The following ADGRB2 variants were observed in gnomAD, a reference collection of about 807,000 sequenced individuals.
ADGRB2 encodes adhesion G protein-coupled receptor B2, also known as brain-specific angiogenesis inhibitor 2.
In ADGRB2, 47 loss-of-function variants were observed where a neutral mutation model predicts 178.7. The ratio of observed to expected loss-of-function variants is 0.26; its 90% confidence interval spans 0.21 to 0.34. The LOEUF (loss-of-function observed/expected upper bound fraction) is 0.34. ADGRB2 is among the 10% of genes least tolerant of loss of function. The pLI, the probability that ADGRB2 is intolerant of heterozygous loss-of-function variation, is 1.00. For synonymous variants in ADGRB2, 870 were observed against 912.4 expected (o/e 0.95, Z 0.84); for missense variants, 1,584 against 2,180.8 (o/e 0.73, Z 5.45).
Position 31,742,055 on chromosome 1 carries a change from G to A in ADGRB2, c.1415C>T (p.Pro472Leu), listed in dbSNP as rs778697031. 31 of 1,606,630 alleles carry A rather than the reference G, an allele frequency of 1.9e-5. No individual in the cohort carries two copies. The highest frequency in any genetic ancestry group is 2.3e-5 in the Non-Finnish European group (27 of 1,175,872). Residue 472 changes from proline to leucine, a missense_variant and splice_region_variant, in exon 8 of 33, where the codon CCG (proline) becomes CTG (leucine). Physicochemically the swap from Pro to Leu is moderately conservative, Grantham distance 98. This residue lies in a region of ADGRB2 where 657 missense variants were observed against 847.6 expected (regional missense o/e 0.78). Transcript: ENST00000373658. ...DTRECSNLEC[P>L]ATDSKWGPWN... is the part of the protein sequence containing the mutation. ...CCACCACTGTGCCAAGCACTCACCC[G>A]GGCACTCGAGGTTGCTGCACTCCCG...
Position 31,738,784 on chromosome 1 carries a change from CACCCAGG to C in ADGRB2, c.2601+41_2601+47del, listed in dbSNP as rs1645771490. On this transcript the variant is annotated intron_variant, in intron 16 of 32. Coordinates refer to ENST00000373658, the MANE Select transcript of ADGRB2 (RefSeq NM_001364857.2). ...GCTTCCCACCAGCCAGGCCTCTGGC[CACCCAGG>C]TTGAGGTGCACCCAAGGTCTCTGCA... The C allele has an allele frequency of 5.0e-6, 8 of 1,606,624 alleles. No individual in the cohort carries two copies. In the Admixed American group the frequency reaches 1.3e-4, roughly 27 times the overall value.
rs568730968 is a variant in ADGRB2 at position 31,755,713 on chromosome 1, T to C, written c.838+286A>G. Among the ~76,000 whole-genome samples the C allele has an allele frequency of 2.8e-4, 43 of 151,942 alleles. No individual in the cohort carries two copies. Among genetic ancestry groups the C allele is most frequent in the Admixed American group, 2.6e-3 (39 of 15,264 alleles). The stretch of plus-strand genomic sequence containing the variant: ...GGTCTCTGTTCCTGTATTACTTCCT[T>C]CAGGGAGCCTCCCCTGGCTGCCCAG... On this transcript the variant is annotated intron_variant, in intron 4 of 32. Transcript: ENST00000373658. This position sits in a 1 kb window ranked among gnomAD's most constrained non-coding sequence, Gnocchi z 5.1.
Position 31,730,888 on chromosome 1 carries a change from C to A in ADGRB2, c.4292G>T (p.Ser1431Ile). 6.3e-7 allele frequency: 1 copy of A among 1,575,620 alleles called. No homozygotes were observed. The highest frequency in any genetic ancestry group is 8.6e-7 in the Non-Finnish European group (1 of 1,160,778). Residue 1431 changes from serine (S) to isoleucine (I), a missense_variant, in exon 29 of 33, where the codon AGC (serine) becomes ATC (isoleucine). Around this residue, in one of 3 missense-constraint regions of ADGRB2, gnomAD observed 865 missense variants for 1,192.8 expected, o/e 0.73. Coordinates refer to ENST00000373658, the MANE Select transcript of ADGRB2 (RefSeq NM_001364857.2). The part of the protein sequence containing the change: ...MTFQPPPPTP[S>I]ARQVPEPGER... ...CCCTGGCTCGGGCACTTGGCGGGCG[C>A]TGGGTGTCGGCGGTGGCGGTTGGAA...
intron 14 of ADGRB2, 94 bp from the exon 15 acceptor site, chr1:31,739,729 C>A (rs1645830871): frequency 7.1e-7 from 1 of 1,407,130 alleles, no homozygotes; most frequent in South Asian, 1.4e-5. Flanking sequence ...GAAACACGTA[C>A]CAGGAAAGGT....
At chr1:31,742,308 T>C (rs1646019613) in intron 7 of ADGRB2, 91 bp from the exon 8 acceptor site, 1 of 1,494,824 alleles carries the variant, frequency 6.7e-7, no homozygotes, top group Admixed American at 2.2e-5. Flanking sequence ...CAGAGCCTGC[T>C]AGGCATTCAG....
Position 31,740,231 on chromosome 1 carries a change from C to T in ADGRB2, c.1990-53G>A. The T allele has an allele frequency of 8.7e-6, 14 of 1,611,184 alleles. No individual in the cohort carries two copies. Among genetic ancestry groups the T allele is most frequent in the Non-Finnish European group, 1.1e-5 (13 of 1,178,256 alleles). On this transcript the variant is annotated intron_variant, in intron 12 of 32. Coordinates refer to ENST00000373658, the MANE Select transcript of ADGRB2 (RefSeq NM_001364857.2). The surrounding 1 kb of genome is among the most constrained non-coding windows in gnomAD (Gnocchi z 5.9). The stretch of plus-strand genomic sequence containing the variant: ...GGTCCTAGCCCCAGGGAACAGGGGG[C>T]TTCCCCCACTATAGCCACACTTGCC...
intron 25 of ADGRB2, among the ~76,000 whole-genome samples, chr1:31,734,959 G>A (rs906930829): frequency 1.3e-5 from 2 of 152,172 alleles, no homozygotes; most frequent in Non-Finnish European, 2.9e-5. Flanking sequence ...GGGATCCAAG[G>A]GTGGGCGAAG....
intron 16 of ADGRB2, 74 bp from the exon 17 acceptor site, chr1:31,738,704 G>A (rs1442521917): frequency 3.8e-6 from 6 of 1,593,096 alleles, no homozygotes; most frequent in East Asian, 2.2e-5. Context: ...ATGCCATGGG[G>A]GCCACAGCAG....
Position 31,757,254 on chromosome 1 carries a change from CAG to C in ADGRB2, c.-35_-34del. ...GCTCTCCATCCCCGTGTGTCGTGAT[CAG>C]CTGTGAGGCATGTCACCGCGTAATC... On this transcript the variant is annotated 5_prime_UTR_variant, in exon 3 of 33. It removes the in-frame stop codon of an upstream open reading frame in the 5' UTR. Transcript: ENST00000373658. 1 of 1,613,944 alleles carries C rather than the reference CAG, an allele frequency of 6.2e-7. No individual in the cohort carries two copies. Among genetic ancestry groups the C allele is most frequent in the Non-Finnish European group, 8.5e-7 (1 of 1,179,802 alleles).
At position 31,742,124 on chromosome 1, in the gene ADGRB2, G is replaced by T; in HGVS notation, c.1346C>A (p.Ala449Glu). ...CGTGCATGTGGCCCAGGCTGGGCCC[G>T]CCACGCTGCACTTCCGGCTGCGCTG... is the stretch of plus-strand genomic sequence containing the variant. Reference protein sequence around the residue: ...TQQRSRKCSVAGPAWATCTGA... With the variant: ...TQQRSRKCSVEGPAWATCTGA... Residue 449 changes from alanine to glutamate, a missense_variant, in exon 8 of 33, where the codon GCG becomes GAG. Ala to Glu is a moderately radical substitution (Grantham distance 107). Coordinates refer to ENST00000373658, the MANE Select transcript of ADGRB2 (RefSeq NM_001364857.2). 6.2e-7 allele frequency: 1 copy of T among 1,613,414 alleles called. No homozygotes were observed. The highest frequency in any genetic ancestry group is 8.5e-7 in the Non-Finnish European group (1 of 1,179,890).
rs952184105 is a variant in ADGRB2, at chr1:31,759,782, G to A, written c.-190-2271C>T. Among the ~76,000 whole-genome samples the A allele has an allele frequency of 2.0e-4, 31 of 152,160 alleles. No individual in the cohort carries two copies. The highest frequency in any genetic ancestry group is 7.2e-4 in the African/African-American group (30 of 41,498). On this transcript the variant is annotated intron_variant, in intron 1 of 32. Transcript: ENST00000373658. The surrounding 1 kb of genome is among the most constrained non-coding windows in gnomAD (Gnocchi z 4.3). Reference sequence around the variant, plus strand: ...GTGTATAGCCAGGCCTGTCCTCCTGGGGGCACTGATGACCCAGAGGCCTCT... The same window carrying A: ...GTGTATAGCCAGGCCTGTCCTCCTGAGGGCACTGATGACCCAGAGGCCTCT...
Position 31,746,087 on chromosome 1 carries a change from G to A in ADGRB2, c.839-1356C>T, listed in dbSNP as rs544784440. Among the ~76,000 whole-genome samples, 3 of 152,274 alleles carry A rather than the reference G, an allele frequency of 2.0e-5. No individual in the cohort carries two copies. The South Asian group carries it at 6.2e-4, about 32-fold the overall frequency. On this transcript the variant is annotated intron_variant, in intron 4 of 32. Coordinates refer to ENST00000373658, the MANE Select transcript of ADGRB2 (RefSeq NM_001364857.2). ...CCAAATGGGGTGTGGACATTGACCA[G>A]CTGTGTGGCCTCGGGCATGTCTCTT...
chr1:31,747,839 G>A (rs894351199), intron 4 of ADGRB2, among the ~76,000 whole-genome samples: 1 of 152,200 alleles, frequency 6.6e-6, no homozygotes, highest in Non-Finnish European at 1.5e-5. Context: ...TATCAGCTCC[G>A]TCCCACAGCA....
At position 31,731,027 on chromosome 1, in the gene ADGRB2, C is replaced by T; in HGVS notation, c.4153G>A (p.Ala1385Thr). The part of the protein sequence containing the change: ...RARPEGTPRR[A>T]AKTVAHTEGY... ...TCAGTGTGGGCCACTGTCTTGGCAG[C>T]TCGCCGGGGGGTCCCCTCCGGCCGG... Residue 1385 changes from alanine to threonine, a missense_variant, in exon 29 of 33, where the codon GCT becomes ACT. Transcript: ENST00000373658. 1 of 1,584,462 alleles carries T rather than the reference C, an allele frequency of 6.3e-7. No homozygotes were observed. The highest frequency in any genetic ancestry group is 8.6e-7 in the Non-Finnish European group (1 of 1,162,750).
chr1:31,730,153 C>T (rs542095675), intron 29 of ADGRB2, among the ~76,000 whole-genome samples: 1 of 152,278 alleles, frequency 6.6e-6, no homozygotes, highest in African/African-American at 2.4e-5. Context: ...AGGGAGCAGA[C>T]CTGAGGAGGC....
intron 17 of ADGRB2, 50 bp from the exon 18 acceptor site, chr1:31,738,376 GC>G: frequency 6.2e-7 from 1 of 1,610,332 alleles, no homozygotes; most frequent in African/African-American, 1.3e-5. Context: ...ACGTGGCCCT[GC>G]CCCCAGTCCT....
chr1:31,764,196 T>A lies in ADGRB2; in HGVS notation c.-503A>T. Reference sequence around the variant, plus strand: ...AGCACCGCCCGCGCCGCGCGCCGCCTCCTATTTGCGGGCGGCGGCCGCAGC... The same window carrying A: ...AGCACCGCCCGCGCCGCGCGCCGCCACCTATTTGCGGGCGGCGGCCGCAGC... On this transcript the variant is annotated 5_prime_UTR_variant, in exon 1 of 33. Transcript: ENST00000373658. This position sits in a 1 kb window ranked among gnomAD's most constrained non-coding sequence, Gnocchi z 7.3. 1 of 330,114 alleles carries A rather than the reference T, an allele frequency of 3.0e-6. No individual in the cohort carries two copies. Among genetic ancestry groups the A allele is most frequent in the Non-Finnish European group, 4.2e-6 (1 of 237,774 alleles). 20.4% of individuals were successfully genotyped at this position (330,114 alleles called of 1,614,324 possible).
In ADGRB2 at chr1:31,736,636, G is replaced by A; in HGVS notation, c.3067C>T (p.Leu1023=). The A allele has an allele frequency of 6.2e-7, 1 of 1,614,162 alleles. No homozygotes were observed. The highest frequency in any genetic ancestry group is 8.5e-7 in the Non-Finnish European group (1 of 1,179,994). The change falls in exon 21 of 33, where the codon CTG becomes TTG. Residue 1023 remains leucine (L), a synonymous_variant. Coordinates refer to ENST00000373658, the MANE Select transcript of ADGRB2 (RefSeq NM_001364857.2). ...WVLTEAWQSY[L]AVIGRMRTRL... ...GTGCGCATCCGCCCAATGACAGCCA[G>A]GTAGGACTGCCAGGCCTCGGTAAGC...
rs370242227 is a variant in ADGRB2, at chr1:31,733,630, C to A, written c.3453-487G>T. ...ACAGAAAGATTAAACAGGCAGAGCA[C>A]GCGGGGGACATCCAGAGCACGAATC... On this transcript the variant is annotated intron_variant, in intron 25 of 32. Transcript: ENST00000373658. This position sits in a 1 kb window ranked among gnomAD's most constrained non-coding sequence, Gnocchi z 4.3. 6.6e-6 allele frequency among the ~76,000 whole-genome samples: 1 copy of A among 152,128 alleles called. No individual in the cohort carries two copies. The highest frequency in any genetic ancestry group is 2.4e-5 in the African/African-American group (1 of 41,408).
Sources: gnomAD v4.1 joint callset for allele counts (sites outside exome capture counted in the v4.1 genomes callset) on GRCh38, gnomAD v4.1.1 for gene constraint, gnomAD v4.1.1 regional missense constraint, Gnocchi (gnomAD v3.1) non-coding constraint, MANE v1.5 for transcripts, NCBI Gene and HGNC (gene_info 2026-07-23, HGNC 2026-07-21) for gene names.